NDST4: variants seen among roughly 807,000 people sequenced by gnomAD.
NDST4 encodes the protein N-heparan sulfate sulfotransferase 4.
In NDST4, 63 loss-of-function variants were observed where a neutral mutation model predicts 100.8. The observed-to-expected ratio is 0.62, with a 90% CI of 0.51 to 0.77. The LOEUF (loss-of-function observed/expected upper bound fraction) is 0.77. NDST4 is among the 30% of genes least tolerant of loss of function. The pLI is 0.00. For missense variants in NDST4, 943 were observed against 1,018.4 expected, an observed-to-expected ratio of 0.93 and a Z score of 1.01; for synonymous variants, 377 against 361.8, an observed-to-expected ratio of 1.04 and a Z score of -0.48.
At chr4:114,947,867 T>C (rs568015999) in intron 4 of NDST4, among the ~76,000 whole-genome samples, 4 of 152,206 alleles carry the variant, frequency 2.6e-5, no homozygotes, top group South Asian at 4.1e-4. Flanking sequence ...TCTGATTGCA[T>C]ATTTTCATGG....
intron 4 of NDST4, among the ~76,000 whole-genome samples, chr4:114,958,007 G>A (rs545072832): frequency 8.5e-5 from 13 of 152,250 alleles, no homozygotes; most frequent in African/African-American, 1.9e-4. Flanking sequence ...CCAGGTGCAC[G>A]GTGCAAGCCA....
At chr4:115,027,279 G>A (rs778809153) in intron 2 of NDST4, among the ~76,000 whole-genome samples, 7 of 152,186 alleles carry the variant, frequency 4.6e-5, no homozygotes, top group South Asian at 4.1e-4. Flanking sequence ...ACTTCATACC[G>A]TCTGGGATGG....
chr4:115,011,703 C>T (rs1473657954), intron 2 of NDST4, among the ~76,000 whole-genome samples: 1 of 151,738 alleles, frequency 6.6e-6, no homozygotes, highest in Non-Finnish European at 1.5e-5. Context: ...AAGTTTTTAT[C>T]TCTGTGAAAA....
rs540720577 is a variant in NDST4 at position 114,838,804 on chromosome 4, CT to C, written c.2286+573del. Among the ~76,000 whole-genome samples the C allele has an allele frequency of 4.4e-3, 620 of 141,548 alleles. 1 individual carries two copies. The highest frequency in any genetic ancestry group is 6.6e-3 in the African/African-American group (255 of 38,560). The allele number at this position is 141,548 out of a possible 152,430, so 92.9% of individuals were successfully genotyped here. ...CATGTTCTGCACATGTAGCCCAGAA[CT>C]TTTTTTTTTTTTTGAAGATCAATAC... is the stretch of plus-strand genomic sequence containing the variant. On this transcript the variant is annotated intron_variant, in intron 11 of 13. Coordinates refer to ENST00000264363, the MANE Select transcript of NDST4 (RefSeq NM_022569.3).
intron 1 of NDST4, among the ~76,000 whole-genome samples, chr4:115,099,678 G>A (rs190587048): frequency 2.0e-5 from 3 of 152,182 alleles, no homozygotes; most frequent in Admixed American, 6.5e-5. Context: ...TGCTGGGGAG[G>A]ACATAGAGCA....
intron 4 of NDST4, among the ~76,000 whole-genome samples, chr4:114,960,862 A>G (rs1386473576): frequency 2.0e-5 from 3 of 152,176 alleles, no homozygotes; most frequent in Admixed American, 6.5e-5. Context: ...GTAGAAACCT[A>G]TAAATATATA....
At chr4:114,846,616 T>C (rs1723554763) in intron 9 of NDST4, among the ~76,000 whole-genome samples, 1 of 152,166 alleles carries the variant, frequency 6.6e-6, no homozygotes. Flanking sequence ...CCCTCCTCCA[T>C]ATGCTGTCAA....
At chr4:114,830,022 T>G in intron 12 of NDST4, 130 bp from the exon 13 acceptor site, 1 of 673,392 alleles carries the variant, frequency 1.5e-6, no homozygotes, top group Non-Finnish European at 2.5e-6. Context: ...TTACAGATAT[T>G]TATTTAGCTG....
At chr4:115,069,062 G>C (rs1256234803) in intron 2 of NDST4, among the ~76,000 whole-genome samples, 1 of 151,948 alleles carries the variant, frequency 6.6e-6, no homozygotes, top group Non-Finnish European at 1.5e-5. Flanking sequence ...GATTATGCAG[G>C]GACTCAAGTT....
chr4:115,083,318 G>T (rs544268022), intron 1 of NDST4, among the ~76,000 whole-genome samples: 1 of 152,102 alleles, frequency 6.6e-6, no homozygotes, highest in African/African-American at 2.4e-5. Context: ...AATTAGGCAG[G>T]TGCGGTGGTG....
chr4:114,928,815 T>A (rs1056754380), intron 6 of NDST4, among the ~76,000 whole-genome samples: 1 of 151,972 alleles, frequency 6.6e-6, no homozygotes, highest in African/African-American at 2.4e-5. Flanking sequence ...GGGACACTGT[T>A]TTTTCTTCTC....
intron 6 of NDST4, among the ~76,000 whole-genome samples, chr4:114,906,494 G>A (rs1446441915): frequency 6.6e-6 from 1 of 151,822 alleles, no homozygotes; most frequent in Admixed American, 6.6e-5. Flanking sequence ...TAAACATAAA[G>A]TTTTGGTTAA....
chr4:114,881,598 C>A (rs537583025), intron 6 of NDST4, among the ~76,000 whole-genome samples: 1 of 152,178 alleles, frequency 6.6e-6, no homozygotes, highest in South Asian at 2.1e-4. Context: ...TATACAGCCT[C>A]TAATCTGCAT....
Position 114,937,501 on chromosome 4 carries a change from T to A in NDST4, c.1224A>T (p.Glu408Asp). Residue 408 changes from glutamate to aspartate, a missense_variant and splice_region_variant, in exon 5 of 14, where the codon GAA becomes GAT. Physicochemically the swap from Glu to Asp is conservative, Grantham distance 45. Around this residue, in one of 2 missense-constraint regions of NDST4, gnomAD observed 526 missense variants for 634.1 expected, o/e 0.83. Coordinates refer to ENST00000264363, the MANE Select transcript of NDST4 (RefSeq NM_022569.3). Reference protein sequence around the residue: ...QMILNKEFALEHGIPINMGYA... With the variant: ...QMILNKEFALDHGIPINMGYA... ...AGCCCATGTTGATTGGTATTCCATG[T>A]TCCTAAAACAAAGCCAGAACAACAT... is the stretch of plus-strand genomic sequence containing the variant. 1 of 1,545,494 alleles carries A rather than the reference T, an allele frequency of 6.5e-7. No individual in the cohort carries two copies. The highest frequency in any genetic ancestry group is 1.3e-5 in the South Asian group (1 of 79,758).
At chr4:114,969,321 GAA>G (rs70964334) in intron 4 of NDST4, among the ~76,000 whole-genome samples, 16,710 of 89,144 alleles carry the variant, frequency 0.19, 552 homozygotes, top group Middle Eastern at 0.27. Flanking sequence ...CTCAAAAAAA[GAA>G]AAAAAAAAAA....
At chr4:115,017,618 C>T (rs1309579427) in intron 2 of NDST4, among the ~76,000 whole-genome samples, 1 of 152,020 alleles carries the variant, frequency 6.6e-6, no homozygotes, top group Non-Finnish European at 1.5e-5. Flanking sequence ...CCATAGAATT[C>T]ACTATCTTGA....
chr4:115,110,306 T>A (rs1729919264), intron 1 of NDST4, among the ~76,000 whole-genome samples: 1 of 151,762 alleles, frequency 6.6e-6, no homozygotes, highest in Admixed American at 6.6e-5. Context: ...TTTCCTGAAG[T>A]GTTAAAGAAA....
chr4:115,004,645 A>G (rs958968306), intron 2 of NDST4, among the ~76,000 whole-genome samples: 1 of 152,146 alleles, frequency 6.6e-6, no homozygotes, highest in Non-Finnish European at 1.5e-5. Flanking sequence ...CCCCTTCTCA[A>G]TCAACCCCAA....
chr4:114,907,504 G>A (rs1056996588), intron 6 of NDST4, among the ~76,000 whole-genome samples: 5 of 152,128 alleles, frequency 3.3e-5, no homozygotes, highest in South Asian at 2.1e-4. Flanking sequence ...TAAATGTTAT[G>A]ATTTTAAATT....
Sources: gnomAD v4.1 joint callset for allele counts (sites outside exome capture counted in the v4.1 genomes callset) on GRCh38, gnomAD v4.1.1 for gene constraint, gnomAD v4.1.1 regional missense constraint, MANE v1.5 for transcripts, NCBI Gene and HGNC (gene_info 2026-07-23, HGNC 2026-07-21) for gene names.